The following SPTA1 variants were observed in gnomAD, a reference collection of about 807,000 sequenced individuals.
SPTA1 encodes spectrin alpha, erythrocytic 1, also known as spectrin alpha chain, erythrocytic 1.
A neutral mutation model predicts 324.7 loss-of-function variants in SPTA1; 177 were observed. That is an observed-to-expected ratio of 0.55 (90% confidence interval 0.48 to 0.62). SPTA1 has a LOEUF of 0.62. Among genes scored for constraint, SPTA1 ranks in the 20% least tolerant of loss-of-function variants. The pLI is 0.00. For missense variants in SPTA1, 3,162 were observed against 2,883.6 expected, an observed-to-expected ratio of 1.10 and a Z score of -2.21; for synonymous variants, 1,195 against 1,041.3, an observed-to-expected ratio of 1.15 and a Z score of -2.84.
At chr1:158,676,788 G>C (rs1394853466) in intron 7 of SPTA1, among the ~76,000 whole-genome samples, 1 of 152,022 alleles carries the variant, frequency 6.6e-6, no homozygotes, top group Non-Finnish European at 1.5e-5. Context: ...TGAGGAGCAG[G>C]GTTACTAGGG....
intron 26 of SPTA1, 79 bp from the exon 27 acceptor site, chr1:158,647,799 T>C: frequency 6.8e-7 from 1 of 1,472,828 alleles, no homozygotes; most frequent in East Asian, 2.3e-5. Flanking sequence ...TGAGTCCCAG[T>C]ATTCAGCTCC....
chr1:158,657,439 G>T (rs771310261), intron 19 of SPTA1, 38 bp downstream of exon 19: 5 of 1,581,230 alleles, frequency 3.2e-6, no homozygotes, highest in Admixed American at 3.3e-5. Context: ...GGTTGCGTTT[G>T]TTGAGGATTC....
chr1:158,611,482 TG>T, intron 51 of SPTA1, 93 bp from the exon 52 acceptor site: 1 of 1,487,744 alleles, frequency 6.7e-7, no homozygotes, highest in East Asian at 2.3e-5. Flanking sequence ...ATGCAGGAGA[TG>T]GAGAGTCTCT....
At chr1:158,669,355 C>T in intron 14 of SPTA1, 53 bp downstream of exon 14, 1 of 1,611,486 alleles carries the variant, frequency 6.2e-7, no homozygotes, top group Non-Finnish European at 8.5e-7. Context: ...GACTGTACTT[C>T]CAATGAAAGG....
intron 19 of SPTA1, among the ~76,000 whole-genome samples, chr1:158,657,243 A>T (rs538879815): frequency 6.6e-6 from 1 of 152,308 alleles, no homozygotes; most frequent in South Asian, 2.1e-4. Context: ...TTTGATTTAG[A>T]TAATCTCTAA....
At chr1:158,624,516 C>T (rs906254120) in intron 42 of SPTA1, among the ~76,000 whole-genome samples, 45 of 152,260 alleles carry the variant, frequency 3.0e-4, no homozygotes, top group Non-Finnish European at 5.1e-4. Context: ...GCCTGTAGCC[C>T]TTTGTTTTGG....
intron 40 of SPTA1, among the ~76,000 whole-genome samples, chr1:158,627,348 A>G (rs1310454046): frequency 1.3e-5 from 2 of 152,226 alleles, no homozygotes; most frequent in Non-Finnish European, 2.9e-5. Flanking sequence ...TAAGACTTTT[A>G]TAAACACCAT....
At chr1:158,675,177 T>C (rs10489840) in intron 8 of SPTA1, among the ~76,000 whole-genome samples, 12,942 of 152,152 alleles carry the variant, frequency 0.085, 1,834 homozygotes, top group African/African-American at 0.29. Context: ...GAAATCACAA[T>C]CATATGACAA....
At chr1:158,625,871 A>T (rs1238103388) in intron 42 of SPTA1, among the ~76,000 whole-genome samples, 1 of 151,848 alleles carries the variant, frequency 6.6e-6, no homozygotes. Context: ...AGATAATAAT[A>T]TATAAAGCTT....
In SPTA1 at chr1:158,623,042, G is replaced by A. The variant is rs1026439787; in HGVS notation, c.6061C>T (p.Leu2021=). The part of the protein sequence containing the change: ...AALLKRWEQL[L]EASAVHRQKL... ...TGTCTGTGGACTGCCGAGGCTTCCA[G>A]CAACTGTTCCCAGCGCTTCAGCAGA... The change falls in exon 43 of 52, where the codon CTG becomes TTG. Residue 2021 remains leucine, a synonymous_variant. Transcript: ENST00000643759. 5.6e-6 allele frequency: 9 copies of A among 1,614,178 alleles called. No individual in the cohort carries two copies. Among genetic ancestry groups the A allele is most frequent in the Non-Finnish European group, 7.6e-6 (9 of 1,180,036 alleles).
chr1:158,654,878 G>A, intron 20 of SPTA1, 130 bp from the exon 21 acceptor site: 2 of 1,252,068 alleles, frequency 1.6e-6, no homozygotes, highest in Non-Finnish European at 1.1e-6. Context: ...TTACGTGGCT[G>A]CAGAGATTAA....
chr1:158,677,921 C>G, intron 6 of SPTA1, 87 bp from the exon 7 acceptor site: 1 of 1,527,450 alleles, frequency 6.5e-7, no homozygotes. Flanking sequence ...CAAGGACCAT[C>G]CTAGTTGACC....
rs748175380 is a variant in SPTA1, at chr1:158,677,728, T to C, written c.919A>G (p.Lys307Glu). ...VASEGLFHSH[K>E]GLERNLAVMS... ...ACAGCAAGATTTCTCTCAAGTCCCT[T>C]GTGACTGTGAAACAGTCCTTCAGAG... Residue 307 changes from lysine (K) to glutamate (E), a missense_variant, in exon 7 of 52, where the codon AAG (lysine) becomes GAG (glutamate). Lys to Glu is a moderately conservative substitution (Grantham distance 56). Coordinates refer to ENST00000643759, the MANE Select transcript of SPTA1 (RefSeq NM_003126.4). 2 of 1,613,628 alleles carry C rather than the reference T, an allele frequency of 1.2e-6. No individual in the cohort carries two copies. Among genetic ancestry groups the C allele is most frequent in the Non-Finnish European group, 8.5e-7 (1 of 1,179,734 alleles).
At chr1:158,651,925 G>A (rs141964877) in intron 23 of SPTA1, among the ~76,000 whole-genome samples, 5 of 151,786 alleles carry the variant, frequency 3.3e-5, no homozygotes, top group East Asian at 3.9e-4. Context: ...GTGTGTGTGC[G>A]CGTGTGTGTG....
chr1:158,643,280 T>C (rs1309247547), intron 31 of SPTA1, 42 bp downstream of exon 31: 1 of 1,608,560 alleles, frequency 6.2e-7, no homozygotes, highest in Admixed American at 1.7e-5. Flanking sequence ...GTCAGTTTGC[T>C]ATATCTTCCT....
In SPTA1 at chr1:158,636,733, C is replaced by T; in HGVS notation, c.5218G>A (p.Asp1740Asn). The T allele has an allele frequency of 1.2e-6, 2 of 1,614,048 alleles. No homozygotes were observed. The highest frequency in any genetic ancestry group is 1.7e-6 in the Non-Finnish European group (2 of 1,179,968). ...ACCCCCTGAAGATCTCTCCCATAGT[C>T]CTGGGAGCTCACTCGTATCAACTTC... ...EEKLIRVSSQ[D>N]YGRDLQGVQN... is the part of the protein sequence containing the mutation. Residue 1740 changes from aspartate (D) to asparagine (N), a missense_variant, in exon 37 of 52, where the codon GAC (aspartate) becomes AAC (asparagine). Physicochemically the swap from Asp to Asn is conservative, Grantham distance 23 (BLOSUM62 1). Transcript: ENST00000643759.
At chr1:158,641,985 AATG>A (rs1377206521) in intron 33 of SPTA1, among the ~76,000 whole-genome samples, 1 of 152,230 alleles carries the variant, frequency 6.6e-6, no homozygotes. Flanking sequence ...CAGCCATAAA[AATG>A]ATGAGTTCAT....
Position 158,639,898 on chromosome 1 carries a change from A to T in SPTA1, c.4847T>A (p.Ile1616Asn). The T allele has an allele frequency of 1.9e-6, 3 of 1,613,910 alleles. No homozygotes were observed. The highest frequency in any genetic ancestry group is 2.5e-6 in the Non-Finnish European group (3 of 1,179,930). Residue 1616 changes from isoleucine (I) to asparagine (N), a missense_variant, in exon 34 of 52, where the codon ATC becomes AAC. Coordinates refer to ENST00000643759, the MANE Select transcript of SPTA1 (RefSeq NM_003126.4). The stretch of plus-strand genomic sequence containing the variant: ...TGAGAGCCAGAACTCAAAGTCCCGG[A>T]TGCTTGTGTTGAACCTCTGTTGACG... The part of the protein sequence containing the change: ...ASRQQRFNTS[I>N]RDFEFWLSEA...
rs1236991847 is a variant in SPTA1, at chr1:158,623,211, G to C, written c.5911-19C>G. 1 of 1,607,552 alleles carries C rather than the reference G, an allele frequency of 6.2e-7. No homozygotes were observed. Among genetic ancestry groups the C allele is most frequent in the South Asian group, 1.1e-5 (1 of 90,938 alleles). On this transcript the variant is annotated intron_variant, in intron 42 of 51. Transcript: ENST00000643759. Reference sequence around the variant, plus strand: ...GAGTGTCCTGAGAAAGATCAGGAGAGAGGCCGTGAACAAGAAAATGGTGCA... The same window carrying C: ...GAGTGTCCTGAGAAAGATCAGGAGACAGGCCGTGAACAAGAAAATGGTGCA...
Sources: gnomAD v4.1 joint callset for allele counts (sites outside exome capture counted in the v4.1 genomes callset) on GRCh38, gnomAD v4.1.1 for gene constraint, MANE v1.5 for transcripts, NCBI Gene and HGNC (gene_info 2026-07-23, HGNC 2026-07-21) for gene names.